MTHFD1: variants seen among roughly 807,000 people sequenced by gnomAD.
MTHFD1 encodes methylenetetrahydrofolate dehydrogenase, cyclohydrolase and formyltetrahydrofolate synthetase 1.
In MTHFD1, 44 loss-of-function variants were observed where a neutral mutation model predicts 110.3. That is an observed-to-expected ratio of 0.40 (90% CI 0.31 to 0.51). The LOEUF is 0.51. MTHFD1 is among the 20% of genes least tolerant of loss of function. MTHFD1 has a pLI of 0.60. For synonymous variants in MTHFD1, 402 were observed against 428.8 expected (o/e 0.94, Z 0.77); for missense variants, 909 against 1,173.1 (o/e 0.77, Z 3.29).
At chr14:64,459,401 G>C (rs1248510665) in intron 27 of MTHFD1, among the ~76,000 whole-genome samples, 1 of 152,152 alleles carries the variant, frequency 6.6e-6, no homozygotes, top group African/African-American at 2.4e-5. Context: ...GGATATCAAA[G>C]GGTCATAGTA....
At chr14:64,421,873 C>T (rs966946034) in intron 8 of MTHFD1, among the ~76,000 whole-genome samples, 3 of 152,092 alleles carry the variant, frequency 2.0e-5, no homozygotes, top group African/African-American at 7.2e-5. Flanking sequence ...GATCCGCCCA[C>T]CTTTGCCTCC....
intron 12 of MTHFD1, among the ~76,000 whole-genome samples, chr14:64,427,828 C>T (rs1483724382): frequency 1.3e-5 from 2 of 152,190 alleles, no homozygotes; most frequent in African/African-American, 2.4e-5. Flanking sequence ...AGATGTTTCA[C>T]CTTGTTGGGA....
chr14:64,400,678 G>T (rs2077888839), intron 1 of MTHFD1, 115 bp from the exon 2 acceptor site: 1 of 745,980 alleles, frequency 1.3e-6, no homozygotes, highest in African/African-American at 1.7e-5. Flanking sequence ...GACAGAGCGA[G>T]ACCCTGTGTT....
intron 25 of MTHFD1, 79 bp from the exon 26 acceptor site, chr14:64,454,644 T>C (rs2078435532): frequency 8.6e-7 from 1 of 1,158,376 alleles, no homozygotes; most frequent in South Asian, 1.2e-5. Flanking sequence ...GAAGAATCCA[T>C]GTAATCACAG....
chr14:64,394,539 C>G (rs2077831849), intron 1 of MTHFD1, among the ~76,000 whole-genome samples: 2 of 151,882 alleles, frequency 1.3e-5, no homozygotes, highest in Admixed American at 1.3e-4. Context: ...ACTTTGCTGG[C>G]TAAGCTTTTT....
intron 24 of MTHFD1, 151 bp from the exon 25 acceptor site, chr14:64,453,603 C>T (rs2078414806): frequency 1.5e-6 from 1 of 666,292 alleles, no homozygotes; most frequent in East Asian, 2.9e-5. Flanking sequence ...TTAACCCAAT[C>T]ATCAACCTCA....
intron 1 of MTHFD1, among the ~76,000 whole-genome samples, chr14:64,397,181 A>ATATG (rs1566553216): frequency 4.4e-4 from 7 of 15,990 alleles, no homozygotes; most frequent in Admixed American, 8.3e-4. Flanking sequence ...ATATATATAT[A>ATATG]TATATATATA....
intron 8 of MTHFD1, among the ~76,000 whole-genome samples, chr14:64,421,124 C>G (rs772888842): frequency 7.9e-5 from 12 of 152,134 alleles, no homozygotes; most frequent in Non-Finnish European, 1.8e-4. Context: ...CCTTCCAAAC[C>G]TTGTTTGATT....
Position 64,418,057 on chromosome 14 carries a change from C to CGGT in MTHFD1, c.615+36_615+38dup, listed in dbSNP as rs911749883. 19 of 1,613,586 alleles carry CGGT rather than the reference C, an allele frequency of 1.2e-5. No homozygotes were observed. The African/African-American group carries it at 2.3e-4, about 19-fold the overall frequency. ...GTCCAGAGGAGAGGTAAAGGTGTTACGGTGGGGAGGGTGGGTGTGCCAGAG... is the reference window on the plus strand; with the variant it reads ...GTCCAGAGGAGAGGTAAAGGTGTTACGGTGGTGGGGAGGGTGGGTGTGCCAGAG... On this transcript the variant is annotated intron_variant, in intron 7 of 27. Transcript: ENST00000652337.
At chr14:64,435,535 C>T in intron 15 of MTHFD1, 34 bp from the exon 16 acceptor site, 1 of 1,405,190 alleles carries the variant, frequency 7.1e-7, no homozygotes, top group East Asian at 2.3e-5. Context: ...TTCTGTTTGT[C>T]TTATTTTATG....
chr14:64,441,542 C>T (rs573959885), intron 19 of MTHFD1, 89 bp downstream of exon 19: 2 of 1,238,562 alleles, frequency 1.6e-6, no homozygotes, highest in South Asian at 2.4e-5. Flanking sequence ...CGCGGTGGCT[C>T]ACACCTGTAA....
chr14:64,454,789 A>C lies in MTHFD1; in HGVS notation c.2632A>C (p.Lys878Gln). The C allele has an allele frequency of 1.2e-6, 2 of 1,614,164 alleles. No homozygotes were observed. The highest frequency in any genetic ancestry group is 3.3e-4 in the Middle Eastern group (2 of 6,062). ...GTCTTTGTCTCACAACCCAGAGCAA[A>C]AAGGTGTCCCTACAGGCTTCATTCT... ...HLSLSHNPEQ[K>Q]GVPTGFILPI... Residue 878 changes from lysine to glutamine, a missense_variant, in exon 26 of 28, where the codon AAA (lysine) becomes CAA (glutamine). Transcript: ENST00000652337.
rs185216597 is a variant in MTHFD1 at position 64,408,240 on chromosome 14, T to C, written c.127-2850T>C. Among the ~76,000 whole-genome samples, 24 of 151,940 alleles carry C rather than the reference T, an allele frequency of 1.6e-4. No homozygotes were observed. In the East Asian group the frequency reaches 4.6e-3, roughly 29 times the overall value. ...AACCTGTTCTGGAATAGGATCTTTT[T>C]TGGATGATGTAGTACTCAGCCACCT... On this transcript the variant is annotated intron_variant, in intron 2 of 27. Coordinates refer to ENST00000652337, the MANE Select transcript of MTHFD1 (RefSeq NM_005956.4).
Position 64,411,130 on chromosome 14 carries a change from A to G in MTHFD1, c.167A>G (p.Lys56Arg). ...GATTCCAATCTTTATATAAATGTGA[A>G]GCTGAAGGCTGCTGAAGAGGTAACG... ...RDDSNLYINV[K>R]LKAAEEIGIK... Residue 56 changes from lysine (K) to arginine (R), a missense_variant, in exon 3 of 28, where the codon AAG (lysine) becomes AGG (arginine). Lys to Arg is a conservative substitution (Grantham distance 26). Around this residue, in one of 3 missense-constraint regions of MTHFD1, gnomAD observed 424 missense variants for 510.4 expected, o/e 0.83. Coordinates refer to ENST00000652337, the MANE Select transcript of MTHFD1 (RefSeq NM_005956.4). 1.2e-6 allele frequency: 2 copies of G among 1,613,282 alleles called. No individual in the cohort carries two copies. Among genetic ancestry groups the G allele is most frequent in the Non-Finnish European group, 1.7e-6 (2 of 1,179,690 alleles).
intron 4 of MTHFD1, 25 bp downstream of exon 4, chr14:64,412,550 A>C: frequency 6.3e-7 from 1 of 1,595,688 alleles, no homozygotes; most frequent in Non-Finnish European, 8.6e-7. Flanking sequence ...GTTGATTGTG[A>C]AGAGGGAAGG....
chr14:64,423,566 T>A (rs979082256), intron 8 of MTHFD1, among the ~76,000 whole-genome samples: 12 of 151,650 alleles, frequency 7.9e-5, no homozygotes, highest in Non-Finnish European at 1.6e-4. Context: ...GCTGATTTTT[T>A]AATATTTTTA....
chr14:64,429,433 C>T lies in MTHFD1; in HGVS notation c.1265-751C>T, dbSNP rs113657946. The stretch of plus-strand genomic sequence containing the variant: ...GCAGCCTTGATCTCCCAGGCTAGGA[C>T]TATAGGCATGAGCAGCCATGCTTGG... On this transcript the variant is annotated intron_variant, in intron 12 of 27. Transcript: ENST00000652337. 8.6e-3 allele frequency among the ~76,000 whole-genome samples: 1,311 copies of T among 151,762 alleles called. 12 individuals carry two copies. The highest frequency in any genetic ancestry group is 0.029 in the African/African-American group (1,211 of 41,338).
intron 1 of MTHFD1, among the ~76,000 whole-genome samples, chr14:64,393,296 G>A (rs1038504960): frequency 6.6e-6 from 1 of 152,162 alleles, no homozygotes; most frequent in African/African-American, 2.4e-5. Context: ...CTACTCCAGA[G>A]GCTGAGACAG....
chr14:64,418,142 T>C (rs749505323), intron 7 of MTHFD1, 118 bp downstream of exon 7: 8 of 1,347,768 alleles, frequency 5.9e-6, no homozygotes, highest in South Asian at 3.7e-5. Context: ...TTTTACAAGA[T>C]GAAAAAACAA....
Sources: gnomAD v4.1 joint callset for allele counts (sites outside exome capture counted in the v4.1 genomes callset) on GRCh38, gnomAD v4.1.1 for gene constraint, gnomAD v4.1.1 regional missense constraint, MANE v1.5 for transcripts, NCBI Gene and HGNC (gene_info 2026-07-23, HGNC 2026-07-21) for gene names.